The following MGAT5 variants were observed in gnomAD, a reference collection of about 807,000 sequenced individuals.
MGAT5 encodes alpha-1,6-mannosylglycoprotein 6-beta-N-acetylglucosaminyltransferase A.
A neutral mutation model predicts 94.3 loss-of-function variants in MGAT5; 30 were observed. That is an observed-to-expected ratio of 0.32 (90% CI 0.24 to 0.43). The LOEUF is 0.43. Among genes scored for constraint, MGAT5 ranks in the 20% least tolerant of loss-of-function variants. The pLI is 1.00. For missense variants in MGAT5, 691 were observed against 905.5 expected (o/e 0.76, Z 3.04); for synonymous variants, 310 against 322.9 (o/e 0.96, Z 0.43).
intron 10 of MGAT5, among the ~76,000 whole-genome samples, chr2:134,397,832 A>G (rs1682807432): frequency 6.6e-6 from 1 of 152,322 alleles, no homozygotes; most frequent in Admixed American, 6.5e-5. Context: ...GGCGACCTGT[A>G]GTGGAGGGAG....
At chr2:134,393,797 A>C (rs1682551449) in intron 10 of MGAT5, among the ~76,000 whole-genome samples, 1 of 152,180 alleles carries the variant, frequency 6.6e-6, no homozygotes, top group African/African-American at 2.4e-5. Context: ...GCCTGGTCTC[A>C]TGTTTTATGT....
At chr2:134,226,864 C>G (rs1681091170) in intron 1 of MGAT5, among the ~76,000 whole-genome samples, 1 of 152,102 alleles carries the variant, frequency 6.6e-6, no homozygotes, top group Admixed American at 6.5e-5. Context: ...GCATGTAAAG[C>G]AGCCTGCATG....
At chr2:134,365,677 G>T (rs750675137) in intron 10 of MGAT5, among the ~76,000 whole-genome samples, 3 of 152,144 alleles carry the variant, frequency 2.0e-5, no homozygotes, top group Non-Finnish European at 4.4e-5. Flanking sequence ...AACTCCTGCA[G>T]CCTGGAGAGA....
chr2:134,353,522 A>G (rs1439107), intron 9 of MGAT5, among the ~76,000 whole-genome samples: 32,484 of 152,160 alleles, frequency 0.21, 3,539 homozygotes, highest in Middle Eastern at 0.36. Flanking sequence ...GCAAATTGCT[A>G]GGATACTACC....
chr2:134,264,399 A>C (rs1181435466), intron 1 of MGAT5, among the ~76,000 whole-genome samples: 1 of 152,170 alleles, frequency 6.6e-6, no homozygotes, highest in Non-Finnish European at 1.5e-5. Context: ...TGAACTCCTG[A>C]TATTAATAGC....
chr2:134,384,963 C>T (rs181777407), intron 10 of MGAT5, among the ~76,000 whole-genome samples: 1 of 152,296 alleles, frequency 6.6e-6, no homozygotes, highest in African/African-American at 2.4e-5. Context: ...TGCACCTGAC[C>T]TTTCCTGATG....
intron 11 of MGAT5, among the ~76,000 whole-genome samples, chr2:134,409,055 G>A (rs1338336037): frequency 1.3e-5 from 2 of 152,106 alleles, no homozygotes; most frequent in East Asian, 3.9e-4. Flanking sequence ...AAATATACAT[G>A]CAGGTGCTGA....
At chr2:134,359,481 C>T (rs777849625) in intron 9 of MGAT5, among the ~76,000 whole-genome samples, 8 of 152,208 alleles carry the variant, frequency 5.3e-5, no homozygotes, top group Non-Finnish European at 1.2e-4. Flanking sequence ...CACTATAATG[C>T]GCTTAGCACA....
chr2:134,348,673 AC>A (rs1679163951), intron 8 of MGAT5, among the ~76,000 whole-genome samples: 1 of 152,196 alleles, frequency 6.6e-6, no homozygotes, highest in South Asian at 2.1e-4. Context: ...TTCAATCTTT[AC>A]TTTTATGCTT....
At chr2:134,244,088 A>G (rs1682108309) in intron 1 of MGAT5, among the ~76,000 whole-genome samples, 3 of 152,146 alleles carry the variant, frequency 2.0e-5, no homozygotes, top group Admixed American at 2.0e-4. Context: ...CACTTATTAT[A>G]AAATTTCTTT....
chr2:134,286,824 G>A (rs1219246939), intron 2 of MGAT5, among the ~76,000 whole-genome samples: 1 of 152,156 alleles, frequency 6.6e-6, no homozygotes, highest in African/African-American at 2.4e-5. Flanking sequence ...CCTAAACAAT[G>A]TGAAGATCTT....
At chr2:134,237,101 G>T (rs1170271659) in intron 1 of MGAT5, among the ~76,000 whole-genome samples, 1 of 144,076 alleles carries the variant, frequency 6.9e-6, no homozygotes, top group African/African-American at 2.6e-5. Flanking sequence ...GGTAGGATAG[G>T]TAGGTTATGT....
chr2:134,178,179 A>G (rs1398292869), intron 1 of MGAT5, among the ~76,000 whole-genome samples: 4 of 152,196 alleles, frequency 2.6e-5, no homozygotes, highest in Non-Finnish European at 5.9e-5. Flanking sequence ...AAAAACATCT[A>G]AAACTAAAAC....
At chr2:134,446,956 A>T (rs1006596562) in intron 15 of MGAT5, among the ~76,000 whole-genome samples, 3 of 152,220 alleles carry the variant, frequency 2.0e-5, no homozygotes, top group South Asian at 2.1e-4. Flanking sequence ...ATGTGCGGGG[A>T]ATCGCAGGAT....
intron 14 of MGAT5, among the ~76,000 whole-genome samples, chr2:134,440,598 T>C (rs1685432727): frequency 6.6e-6 from 1 of 152,230 alleles, no homozygotes; most frequent in South Asian, 2.1e-4. Flanking sequence ...AACACTGAGC[T>C]GGAATAAGAG....
At chr2:134,212,953 G>A (rs574081591) in intron 1 of MGAT5, among the ~76,000 whole-genome samples, 1 of 152,326 alleles carries the variant, frequency 6.6e-6, no homozygotes, top group South Asian at 2.1e-4. Flanking sequence ...GGCATAGAAT[G>A]CTGATTTGCT....
At chr2:134,238,813 C>T (rs944194348) in intron 1 of MGAT5, among the ~76,000 whole-genome samples, 8 of 152,014 alleles carry the variant, frequency 5.3e-5, no homozygotes, top group Non-Finnish European at 1.0e-4. Flanking sequence ...CATGGTGGTG[C>T]ATGCCTGTAA....
intron 10 of MGAT5, among the ~76,000 whole-genome samples, chr2:134,387,928 A>C (rs189370832): frequency 3.6e-4 from 55 of 152,316 alleles, no homozygotes; most frequent in Non-Finnish European, 5.4e-4. Context: ...ATTGTTAAAG[A>C]ATCAGGGTAC....
intron 2 of MGAT5, among the ~76,000 whole-genome samples, chr2:134,288,887 T>C (rs1441704287): frequency 6.6e-6 from 1 of 152,286 alleles, no homozygotes; most frequent in South Asian, 2.1e-4. Flanking sequence ...CAAAATGGGC[T>C]TCACTTGCTC....
Sources: gnomAD v4.1 joint callset for allele counts (sites outside exome capture counted in the v4.1 genomes callset) on GRCh38, gnomAD v4.1.1 for gene constraint, MANE v1.5 for transcripts, NCBI Gene and HGNC (gene_info 2026-07-23, HGNC 2026-07-21) for gene names.